Variants in CDH13 observed in about 807,000 individuals in gnomAD.
The protein encoded by CDH13 is cadherin-13.
A neutral mutation model predicts 63.8 loss-of-function variants in CDH13; 24 were observed. That is an observed-to-expected ratio of 0.38 (90% CI 0.27 to 0.53). The LOEUF (loss-of-function observed/expected upper bound fraction) is 0.53, where lower values mean the gene tolerates loss of function less well. Ranked by LOEUF, CDH13 falls within the 20% of genes least tolerant of loss-of-function variation. The pLI is 0.85. For synonymous variants in CDH13, 503 were observed against 355.3 expected, an observed-to-expected ratio of 1.42 and a Z score of -4.67; for missense variants, 1,049 against 903.1, an observed-to-expected ratio of 1.16 and a Z score of -2.07.
intron 1 of CDH13, among the ~76,000 whole-genome samples, chr16:82,753,262 CTT>C (rs1177562886): frequency 6.6e-6 from 1 of 152,168 alleles, no homozygotes; most frequent in Non-Finnish European, 1.5e-5. Context: ...TTCAATCTCT[CTT>C]TATTATTTTG....
intron 2 of CDH13, among the ~76,000 whole-genome samples, chr16:83,012,900 TA>T (rs1914304068): frequency 6.6e-6 from 1 of 152,192 alleles, no homozygotes. Context: ...TTTAAAAAAT[TA>T]AAGGCAATAC....
chr16:83,165,048 C>G (rs1347179951), intron 4 of CDH13, among the ~76,000 whole-genome samples: 3 of 143,380 alleles, frequency 2.1e-5, no homozygotes. Flanking sequence ...ACGCTCTGAT[C>G]ACAGAAAGTG....
intron 5 of CDH13, among the ~76,000 whole-genome samples, chr16:83,228,753 G>A (rs989647895): frequency 5.9e-5 from 9 of 152,182 alleles, no homozygotes; most frequent in South Asian, 2.1e-4. Context: ...GGTGGGACTC[G>A]CATGCTAAGG....
intron 4 of CDH13, among the ~76,000 whole-genome samples, chr16:83,197,271 G>GTGTA (rs2038902951): frequency 2.0e-5 from 3 of 147,940 alleles, no homozygotes; most frequent in Non-Finnish European, 4.5e-5. Context: ...TGTATCATAG[G>GTGTA]TATATATATA....
intron 8 of CDH13, among the ~76,000 whole-genome samples, chr16:83,630,964 A>C (rs956778585): frequency 6.6e-6 from 1 of 152,180 alleles, no homozygotes; most frequent in East Asian, 1.9e-4. Context: ...GGTCAATAAT[A>C]TATGGCAAGC....
At chr16:83,498,948 G>C (rs2074209720) in intron 7 of CDH13, among the ~76,000 whole-genome samples, 1 of 152,152 alleles carries the variant, frequency 6.6e-6, no homozygotes, top group Non-Finnish European at 1.5e-5. Context: ...CTGCCCTTGG[G>C]GGGAAATGCA....
chr16:82,712,264 G>A (rs558532613), intron 1 of CDH13, among the ~76,000 whole-genome samples: 9 of 151,984 alleles, frequency 5.9e-5, no homozygotes, highest in Non-Finnish European at 1.0e-4. Flanking sequence ...TTAGTTAAAG[G>A]CTGGTGTAAT....
intron 1 of CDH13, among the ~76,000 whole-genome samples, chr16:82,695,108 A>T (rs893464898): frequency 4.5e-4 from 68 of 152,182 alleles, no homozygotes; most frequent in Non-Finnish European, 4.4e-4. Context: ...TTGGTACCAG[A>T]AGCAGCTCAG....
In CDH13 at chr16:82,830,522, G is replaced by A. The variant is rs145123867; in HGVS notation, c.46-27840G>A. Among the ~76,000 whole-genome samples the A allele has an allele frequency of 2.0e-5, 3 of 152,320 alleles. No homozygotes were observed. In the East Asian group the frequency reaches 5.8e-4, roughly 29 times the overall value. ...AGTGAAAGTAAAAAGAGGATCTACA[G>A]TGTCGTTTGCTTGTGAATGGTGAGG... On this transcript the variant is annotated intron_variant, in intron 1 of 13. Coordinates refer to ENST00000567109, the MANE Select transcript of CDH13 (RefSeq NM_001257.5).
intron 2 of CDH13, among the ~76,000 whole-genome samples, chr16:82,900,368 C>T (rs2041420897): frequency 6.6e-6 from 1 of 152,128 alleles, no homozygotes; most frequent in African/African-American, 2.4e-5. Flanking sequence ...TGATCTTTGG[C>T]ACAAGAGTTT....
At chr16:83,546,594 T>C (rs1321587707) in intron 7 of CDH13, among the ~76,000 whole-genome samples, 2 of 152,160 alleles carry the variant, frequency 1.3e-5, no homozygotes, top group Non-Finnish European at 2.9e-5. Flanking sequence ...GGTCTGGGTA[T>C]AACCAACGTC....
At chr16:83,131,469 C>A (rs1474542481) in intron 4 of CDH13, among the ~76,000 whole-genome samples, 1 of 152,024 alleles carries the variant, frequency 6.6e-6, no homozygotes, top group Non-Finnish European at 1.5e-5. Flanking sequence ...GGCTTTTTCC[C>A]CTCCCCCTTC....
intron 2 of CDH13, among the ~76,000 whole-genome samples, chr16:82,950,141 A>G (rs1444255299): frequency 1.3e-5 from 2 of 152,140 alleles, no homozygotes; most frequent in Non-Finnish European, 1.5e-5. Flanking sequence ...TCTAAGGTCA[A>G]GGTGTAGGTA....
intron 7 of CDH13, among the ~76,000 whole-genome samples, chr16:83,576,217 A>T (rs1182879816): frequency 2.6e-5 from 4 of 152,122 alleles, no homozygotes; most frequent in Non-Finnish European, 5.9e-5. Flanking sequence ...GTCTCTATGG[A>T]TTTATCCATT....
chr16:83,619,115 C>T (rs1468812048), intron 8 of CDH13, among the ~76,000 whole-genome samples: 2 of 152,224 alleles, frequency 1.3e-5, no homozygotes, highest in East Asian at 1.9e-4. Flanking sequence ...GTTATGCTGT[C>T]GCTTTCCAAA....
rs182268972 is a variant in CDH13, at chr16:83,326,684, G to A, written c.637-18178G>A. ...TTTACACTTTGTCTCTGCATGGCCC[G>A]CAAACATGCAGAAGGGATGTTATGA... is the stretch of plus-strand genomic sequence containing the variant. On this transcript the variant is annotated intron_variant, in intron 5 of 13. Coordinates refer to ENST00000567109, the MANE Select transcript of CDH13 (RefSeq NM_001257.5). Among the ~76,000 whole-genome samples, 128 of 152,230 alleles carry A rather than the reference G, an allele frequency of 8.4e-4. No homozygotes were observed. The Middle Eastern group carries it at 0.017, about 20-fold the overall frequency.
In CDH13 at chr16:83,557,229, C is replaced by G. The variant is rs188016599; in HGVS notation, c.961-45225C>G. Among the ~76,000 whole-genome samples the G allele has an allele frequency of 3.3e-5, 5 of 152,202 alleles. No homozygotes were observed. The East Asian group carries it at 9.6e-4, about 29-fold the overall frequency. ...AGTCTGTCACGTCTCCCATCACCCC[C>G]AGATGAGACCATCTAGTTGAAGGAA... On this transcript the variant is annotated intron_variant, in intron 7 of 13. Transcript: ENST00000567109.
intron 8 of CDH13, among the ~76,000 whole-genome samples, chr16:83,668,591 G>T (rs892785121): frequency 6.6e-6 from 1 of 152,230 alleles, no homozygotes. Flanking sequence ...AGCAGGGGCA[G>T]AGAACCAGTC....
intron 2 of CDH13, among the ~76,000 whole-genome samples, chr16:82,903,665 C>G (rs1218077456): frequency 2.0e-5 from 3 of 152,162 alleles, no homozygotes; most frequent in Non-Finnish European, 4.4e-5. Flanking sequence ...TGGAATCAGA[C>G]CCTAACGGGT....
Sources: gnomAD v4.1 joint callset for allele counts (sites outside exome capture counted in the v4.1 genomes callset) on GRCh38, gnomAD v4.1.1 for gene constraint, MANE v1.5 for transcripts, NCBI Gene and HGNC (gene_info 2026-07-23, HGNC 2026-07-21) for gene names.